The following KCNN2 variants were observed in gnomAD, a reference collection of about 807,000 sequenced individuals.
KCNN2 encodes the protein potassium calcium-activated channel subfamily N member 2, also known as small conductance calcium-activated potassium channel protein 2.
In KCNN2, 24 loss-of-function variants were observed where a neutral mutation model predicts 55.5. That is an observed-to-expected ratio of 0.43 (90% CI 0.31 to 0.61). The LOEUF (loss-of-function observed/expected upper bound fraction) is 0.61. KCNN2 is among the 20% of genes least tolerant of loss of function. The pLI, the probability that KCNN2 is intolerant of heterozygous loss-of-function variation, is 0.08. For missense variants in KCNN2, 754 were observed against 853.6 expected (o/e 0.88, Z 1.45); for synonymous variants, 431 against 336.1 (o/e 1.28, Z -3.09).
chr5:114,317,272 G>T (rs1262169208), intron 2 of KCNN2, among the ~76,000 whole-genome samples: 1 of 151,602 alleles, frequency 6.6e-6, no homozygotes, highest in Non-Finnish European at 1.5e-5. Context: ...AATGTCTCAA[G>T]CCTATCTTAA....
intron 1 of KCNN2, among the ~76,000 whole-genome samples, chr5:114,112,801 C>T (rs1356073171): frequency 1.3e-5 from 2 of 152,024 alleles, no homozygotes; most frequent in Non-Finnish European, 2.9e-5. Context: ...AGATGAATAA[C>T]ACCGGTTATG....
At chr5:114,439,803 C>T (rs1208355791) in intron 3 of KCNN2, among the ~76,000 whole-genome samples, 1 of 152,090 alleles carries the variant, frequency 6.6e-6, no homozygotes, top group African/African-American at 2.4e-5. Context: ...ACCCTTGATT[C>T]CCAGGCTGGG....
At chr5:114,274,445 A>G (rs1434497611) in intron 2 of KCNN2, among the ~76,000 whole-genome samples, 1 of 151,970 alleles carries the variant, frequency 6.6e-6, no homozygotes, top group Non-Finnish European at 1.5e-5. Context: ...CATTTTCATG[A>G]TATTGATTTT....
At chr5:114,131,916 A>G (rs765906382) in intron 1 of KCNN2, among the ~76,000 whole-genome samples, 17 of 152,186 alleles carry the variant, frequency 1.1e-4, no homozygotes, top group Non-Finnish European at 2.1e-4. Flanking sequence ...TGTTGGCCAC[A>G]TAAATGTCTT....
chr5:114,171,081 C>T (rs1256312887), intron 1 of KCNN2, among the ~76,000 whole-genome samples: 1 of 151,946 alleles, frequency 6.6e-6, no homozygotes, highest in Admixed American at 6.6e-5. Flanking sequence ...GACTCTCTAT[C>T]TTTCCATTCT....
intron 3 of KCNN2, among the ~76,000 whole-genome samples, chr5:114,423,527 G>GA (rs1047542519): frequency 1.2e-4 from 18 of 151,612 alleles, no homozygotes; most frequent in African/African-American, 3.4e-4. Flanking sequence ...ATTAGGAGAG[G>GA]AAAAAAAACC....
intron 5 of KCNN2, chr5:114,486,819 C>A: frequency 1.5e-6 from 2 of 1,302,590 alleles, no homozygotes; most frequent in Non-Finnish European, 2.1e-6. Context: ...ATAGAATTTA[C>A]CACAGAAAGA....
intron 1 of KCNN2, among the ~76,000 whole-genome samples, chr5:114,114,949 C>T (rs2112588340): frequency 6.6e-6 from 1 of 152,240 alleles, no homozygotes; most frequent in African/African-American, 2.4e-5. Flanking sequence ...TAAACTATGT[C>T]ATGGAATATT....
chr5:114,075,288 G>A (rs1217133754), intron 1 of KCNN2, among the ~76,000 whole-genome samples: 1 of 152,078 alleles, frequency 6.6e-6, no homozygotes, highest in Non-Finnish European at 1.5e-5. Flanking sequence ...GTTTTGGCAG[G>A]GCAAGAATAA....
chr5:114,491,657 A>G (rs763685241), intron 6 of KCNN2, among the ~76,000 whole-genome samples: 1 of 152,026 alleles, frequency 6.6e-6, no homozygotes, highest in Non-Finnish European at 1.5e-5. Context: ...CATCTTAAGT[A>G]TCACTTAAAG....
intron 2 of KCNN2, among the ~76,000 whole-genome samples, chr5:114,339,036 C>T (rs371483953): frequency 6.0e-4 from 92 of 152,326 alleles, no homozygotes; most frequent in African/African-American, 2.1e-3. Context: ...TGGCAGCCTT[C>T]GCTGTTGCTC....
intron 2 of KCNN2, among the ~76,000 whole-genome samples, chr5:114,257,097 A>G (rs1754997511): frequency 6.6e-6 from 1 of 151,648 alleles, no homozygotes; most frequent in Non-Finnish European, 1.5e-5. Context: ...TATTCCCAGC[A>G]CCATTTATTC....
At chr5:114,260,878 G>T (rs945146735) in intron 2 of KCNN2, among the ~76,000 whole-genome samples, 2 of 152,168 alleles carry the variant, frequency 1.3e-5, no homozygotes, top group African/African-American at 4.8e-5. Context: ...CTGGAGTGAG[G>T]CAAGTCAAAA....
At chr5:114,486,203 A>C (rs1762431841) in intron 5 of KCNN2, among the ~76,000 whole-genome samples, 1 of 152,340 alleles carries the variant, frequency 6.6e-6, no homozygotes, top group African/African-American at 2.4e-5. Context: ...ATCACTTAAA[A>C]GAATTAAATG....
chr5:114,410,764 G>A (rs1322930864), intron 3 of KCNN2, among the ~76,000 whole-genome samples: 2 of 152,082 alleles, frequency 1.3e-5, no homozygotes, highest in Non-Finnish European at 2.9e-5. Flanking sequence ...TAATAAATTG[G>A]AGATTCCAGG....
chr5:114,220,306 C>G (rs961141234), intron 1 of KCNN2, among the ~76,000 whole-genome samples: 15 of 151,930 alleles, frequency 9.9e-5, no homozygotes, highest in African/African-American at 3.6e-4. Flanking sequence ...GATAGCAATG[C>G]TGGAAAAAAT....
chr5:114,442,283 TATAG>T (rs1760247219), intron 3 of KCNN2, among the ~76,000 whole-genome samples: 1 of 150,964 alleles, frequency 6.6e-6, no homozygotes. Context: ...TTACTGTATA[TATAG>T]AGAGAGAGAG....
chr5:114,389,786 G>T (rs1012882845), intron 2 of KCNN2, among the ~76,000 whole-genome samples: 18 of 152,252 alleles, frequency 1.2e-4, no homozygotes, highest in Admixed American at 9.8e-4. Flanking sequence ...TGCTTCTGCT[G>T]GAAAGCAGGA....
intron 1 of KCNN2, among the ~76,000 whole-genome samples, chr5:114,096,490 G>A (rs1387439818): frequency 1.3e-5 from 2 of 152,042 alleles, no homozygotes; most frequent in Non-Finnish European, 2.9e-5. Context: ...ATATACTCAT[G>A]ACCTGTACAT....
Sources: gnomAD v4.1 joint callset for allele counts (sites outside exome capture counted in the v4.1 genomes callset) on GRCh38, gnomAD v4.1.1 for gene constraint, MANE v1.5 for transcripts, NCBI Gene and HGNC (gene_info 2026-07-23, HGNC 2026-07-21) for gene names.